THBS2: variants seen among roughly 807,000 people sequenced by gnomAD.
THBS2 encodes the protein thrombospondin 2, also known as thrombospondin-2.
Under a neutral mutation model 135.2 loss-of-function variants are expected in THBS2, and 47 were observed. That is an observed-to-expected ratio of 0.35 (90% confidence interval 0.28 to 0.44). The LOEUF is 0.44. Ranked by LOEUF, THBS2 falls within the 20% of genes least tolerant of loss-of-function variation. THBS2 has a pLI of 1.00. For synonymous variants in THBS2, 639 were observed against 633.8 expected (o/e 1.01, Z -0.12); for missense variants, 1,288 against 1,603.1 (o/e 0.80, Z 3.36).
At chr6:169,244,150 C>G (rs930419405) in intron 4 of THBS2, among the ~76,000 whole-genome samples, 5 of 143,154 alleles carry the variant, frequency 3.5e-5, no homozygotes, top group African/African-American at 8.0e-5. Flanking sequence ...GATAACAGAT[C>G]TAGATTTCTC....
chr6:169,218,432 AGTGG>A (rs376803904), intron 21 of THBS2, among the ~76,000 whole-genome samples: 172 of 68,736 alleles, frequency 2.5e-3, no homozygotes, highest in Middle Eastern at 0.016. Flanking sequence ...GAGATGGATG[AGTGG>A]GTGGGTGGGT....
At chr6:169,229,773 A>C in intron 13 of THBS2, 94 bp from the exon 14 acceptor site, 1 of 975,176 alleles carries the variant, frequency 1.0e-6, no homozygotes, top group Non-Finnish European at 1.6e-6. Flanking sequence ...GGCGCCGAGG[A>C]AGGAAGCGTG....
At chr6:169,251,622 G>T (rs1402586374) in intron 1 of THBS2, among the ~76,000 whole-genome samples, 1 of 152,166 alleles carries the variant, frequency 6.6e-6, no homozygotes, top group African/African-American at 2.4e-5. Flanking sequence ...CCTGCTCTAG[G>T]TTGAAGGGAA....
At chr6:169,250,866 C>G in intron 1 of THBS2, 60 bp from the exon 2 acceptor site, 11 of 1,203,118 alleles carry the variant, frequency 9.1e-6, no homozygotes, top group Non-Finnish European at 1.3e-5. Flanking sequence ...TGCCTGTGAG[C>G]GAGACTGGCC....
At position 169,228,176 on chromosome 6, in the gene THBS2, C is replaced by A; in HGVS notation, c.2365G>T (p.Asp789Tyr). 1 of 1,613,958 alleles carries A rather than the reference C, an allele frequency of 6.2e-7. No individual in the cohort carries two copies. The highest frequency in any genetic ancestry group is 8.5e-7 in the Non-Finnish European group (1 of 1,180,002). The change falls in exon 15 of 22, where the codon GAC becomes TAC. Residue 789 changes from aspartate (D) to tyrosine (Y), a missense_variant. Physicochemically the swap from Asp to Tyr is radical, Grantham distance 160. This residue lies in a region of THBS2 where 874 missense variants were observed against 1,156.1 expected (regional missense o/e 0.76). Transcript: ENST00000617924. Reference protein sequence around the residue: ...CPYVHNPAQIDTDNNGEGDAC... With the variant: ...CPYVHNPAQIYTDNNGEGDAC... The stretch of plus-strand genomic sequence containing the variant: ...TCACCCTCTCCATTGTTGTCTGTGT[C>A]GATCTGGGCAGGGTTGTGCACGTAA...
intron 13 of THBS2, among the ~76,000 whole-genome samples, chr6:169,230,224 A>AG (rs1421807477): frequency 2.0e-5 from 3 of 151,068 alleles, no homozygotes; most frequent in Non-Finnish European, 4.4e-5. Flanking sequence ...ATTGGGCAAA[A>AG]ACTCCTTTCA....
In THBS2 at chr6:169,228,012, TGGA is replaced by T. The variant is rs983797212; in HGVS notation, c.2419+107_2419+109del. 6.0e-6 allele frequency: 8 copies of T among 1,339,702 alleles called. No individual in the cohort carries two copies. In the African/African-American group the frequency reaches 9.0e-5, roughly 15 times the overall value. 83.0% of individuals were successfully genotyped at this position (1,339,702 alleles called of 1,614,324 possible). ...AGGAGACTCACTTGAACCCAAAAGG[TGGA>T]GATCGCAGTGAGCCAAGATGGTGCT... On this transcript the variant is annotated intron_variant, in intron 15 of 21. Transcript: ENST00000617924.
chr6:169,223,912 A>G (rs1260140091), intron 17 of THBS2, among the ~76,000 whole-genome samples: 1 of 152,162 alleles, frequency 6.6e-6, no homozygotes, highest in African/African-American at 2.4e-5. Context: ...CGGAACTCAC[A>G]CTAAAATGGT....
At position 169,241,678 on chromosome 6, in the gene THBS2, G is replaced by C; in HGVS notation, c.891+84C>G. The C allele has an allele frequency of 7.1e-7, 1 of 1,405,404 alleles. No individual in the cohort carries two copies. The highest frequency in any genetic ancestry group is 9.7e-7 in the Non-Finnish European group (1 of 1,029,592). 87.1% of individuals were successfully genotyped at this position (1,405,404 alleles called of 1,614,324 possible). A position where few individuals can be genotyped will look rare whatever the true frequency, so the allele number is the denominator to read the frequency against. The stretch of plus-strand genomic sequence containing the variant: ...TCGAGCATGAGGCACTGCCAAGCCA[G>C]GGAATGTTGATACCTGCTGAGATGG... On this transcript the variant is annotated intron_variant, in intron 5 of 21. Transcript: ENST00000617924. The surrounding 1 kb of genome is among the most constrained non-coding windows in gnomAD (Gnocchi z 5.5).
chr6:169,246,204 G>A lies in THBS2; in HGVS notation c.687C>T (p.Gly229=), dbSNP rs1189795337. ...TTTTCACAACACACCTACCTCCCTGGCCTTGCTGGCAACCCTTCTTGCTTA... is the reference window on the plus strand; with the variant it reads ...TTTTCACAACACACCTACCTCCCTGACCTTGCTGGCAACCCTTCTTGCTTA... ...DILSKKGCQQ[G]QGAEINAISE... Residue 229 remains glycine (G), a synonymous_variant, in exon 4 of 22, where the codon GGC becomes GGT. Transcript: ENST00000617924. The A allele has an allele frequency of 3.1e-6, 5 of 1,613,712 alleles. No homozygotes were observed. The highest frequency in any genetic ancestry group is 4.2e-6 in the Non-Finnish European group (5 of 1,179,936).
chr6:169,237,448 G>A lies in THBS2; in HGVS notation c.1301-102C>T, dbSNP rs1240297663. On this transcript the variant is annotated intron_variant, in intron 8 of 21. Coordinates refer to ENST00000617924, the MANE Select transcript of THBS2 (RefSeq NM_003247.5). ...CCGAGGAGCATCTCACAGCTGCTGA[G>A]GAGAGGGAAGGAGAACCCCTCCCAT... The A allele has an allele frequency of 6.7e-6, 10 of 1,495,556 alleles. No homozygotes were observed. In the African/African-American group the frequency reaches 8.3e-5, roughly 12 times the overall value. 92.6% of individuals were successfully genotyped at this position (1,495,556 alleles called of 1,614,324 possible).
chr6:169,242,445 C>G (rs988064975), intron 4 of THBS2, among the ~76,000 whole-genome samples: 13 of 151,916 alleles, frequency 8.6e-5, no homozygotes, highest in African/African-American at 1.5e-4. Context: ...CCCCAAACAC[C>G]CTTTCTTATG....
intron 14 of THBS2, among the ~76,000 whole-genome samples, chr6:169,228,670 T>A (rs1172638101): frequency 6.6e-6 from 1 of 152,148 alleles, no homozygotes; most frequent in East Asian, 1.9e-4. Flanking sequence ...ACACCATTAA[T>A]CCCAGCACTT....
intron 14 of THBS2, 39 bp from the exon 15 acceptor site, chr6:169,228,320 T>C (rs1396201376): frequency 1.9e-6 from 3 of 1,610,548 alleles, no homozygotes; most frequent in Middle Eastern, 1.7e-4. Flanking sequence ...ACGAAGATCA[T>C]AGGAATGTGT....
Position 169,241,894 on chromosome 6 carries a change from C to T in THBS2, c.759G>A (p.Glu253=), listed in dbSNP as rs1250043548. 1 of 1,612,232 alleles carries T rather than the reference C, an allele frequency of 6.2e-7. No homozygotes were observed. The change falls in exon 5 of 22, where the codon GAG becomes GAA. Residue 253 remains glutamate, a synonymous_variant. Coordinates refer to ENST00000617924, the MANE Select transcript of THBS2 (RefSeq NM_003247.5). This position sits in a 1 kb window ranked among gnomAD's most constrained non-coding sequence, Gnocchi z 5.5. ...TCCTCTCCGAGCTGGGGCCCACGTA[C>T]TCGGTGGTGACATGCGGACCCAGGC... ...TLRLGPHVTT[E]YVGPSSERRP...
intron 17 of THBS2, 120 bp downstream of exon 17, chr6:169,225,025 A>G: frequency 1.0e-6 from 1 of 986,810 alleles, no homozygotes; most frequent in Non-Finnish European, 1.6e-6. Context: ...AAGAGGCCCA[A>G]AGTCATTGCC....
chr6:169,220,506 C>T (rs1342846285), intron 20 of THBS2, among the ~76,000 whole-genome samples, 169 bp from the exon 21 acceptor site: 2 of 152,200 alleles, frequency 1.3e-5, no homozygotes, highest in African/African-American at 4.8e-5. Context: ...CTCCAGCCAC[C>T]CCTGGTGCAG....
chr6:169,239,902 C>A (rs917770212), intron 6 of THBS2, among the ~76,000 whole-genome samples: 2 of 152,180 alleles, frequency 1.3e-5, no homozygotes, highest in Non-Finnish European at 2.9e-5. Context: ...TGGCTCTTTG[C>A]ATCCATTCCA....
At chr6:169,244,758 G>A (rs1270312459) in intron 4 of THBS2, among the ~76,000 whole-genome samples, 2 of 152,138 alleles carry the variant, frequency 1.3e-5, no homozygotes, top group Non-Finnish European at 2.9e-5. Flanking sequence ...CAGAGTGCTG[G>A]AGCCAAGATA....
Sources: gnomAD v4.1 joint callset for allele counts (sites outside exome capture counted in the v4.1 genomes callset) on GRCh38, gnomAD v4.1.1 for gene constraint, gnomAD v4.1.1 regional missense constraint, Gnocchi (gnomAD v3.1) non-coding constraint, MANE v1.5 for transcripts, NCBI Gene and HGNC (gene_info 2026-07-23, HGNC 2026-07-21) for gene names.